NCR3LG1: variants seen among roughly 807,000 people sequenced by gnomAD.
NCR3LG1 encodes natural cytotoxicity triggering receptor 3 ligand 1.
In NCR3LG1, 35 loss-of-function variants were observed where a neutral mutation model predicts 34.8. The observed-to-expected ratio is 1.01, with a 90% CI of 0.77 to 1.33. NCR3LG1 has a LOEUF of 1.33. NCR3LG1 is among the 40% of genes most tolerant of loss of function. The probability of loss-of-function intolerance (pLI) is 0.00; values close to 1 mark genes in which losing one functional copy is unlikely to be tolerated. For missense variants in NCR3LG1, 452 were observed against 423.3 expected (o/e 1.07, Z -0.60); for synonymous variants, 173 against 163.6 (o/e 1.06, Z -0.44).
intron 2 of NCR3LG1, among the ~76,000 whole-genome samples, chr11:17,364,496 G>T (rs901040277): frequency 2.5e-4 from 38 of 150,802 alleles, no homozygotes; most frequent in Middle Eastern, 3.4e-3. Flanking sequence ...ACCGTGCCCA[G>T]TTTGGGAAGT....
intron 1 of NCR3LG1, among the ~76,000 whole-genome samples, chr11:17,354,698 G>C (rs1228288525): frequency 6.6e-6 from 1 of 151,582 alleles, no homozygotes; most frequent in East Asian, 1.9e-4. Flanking sequence ...GGTTACAGTT[G>C]ACCCTATCTT....
At chr11:17,369,508 A>G (rs1357331121) in intron 4 of NCR3LG1, among the ~76,000 whole-genome samples, 1 of 152,260 alleles carries the variant, frequency 6.6e-6, no homozygotes, top group Non-Finnish European at 1.5e-5. Flanking sequence ...AAACAGCTCA[A>G]GCTTTAGAGG....
chr11:17,369,267 C>T (rs1416006839), intron 4 of NCR3LG1, among the ~76,000 whole-genome samples: 1 of 152,210 alleles, frequency 6.6e-6, no homozygotes, highest in Admixed American at 6.5e-5. Flanking sequence ...TGTGAATGAA[C>T]CAGACTTTAG....
intron 2 of NCR3LG1, among the ~76,000 whole-genome samples, chr11:17,358,031 CT>C (rs951242316): frequency 1.3e-5 from 2 of 152,066 alleles, no homozygotes; most frequent in African/African-American, 4.8e-5. Flanking sequence ...CATTAATAGA[CT>C]TTTTTTAAGG....
intron 2 of NCR3LG1, among the ~76,000 whole-genome samples, chr11:17,361,632 T>C (rs1953270352): frequency 6.6e-6 from 1 of 152,112 alleles, no homozygotes. Flanking sequence ...CAATTGTTCA[T>C]TCCTGTCAAA....
intron 3 of NCR3LG1, 135 bp from the exon 4 acceptor site, chr11:17,368,732 C>T (rs1953374959): frequency 3.0e-6 from 2 of 676,510 alleles, no homozygotes; most frequent in Non-Finnish European, 5.2e-6. Flanking sequence ...GATGCTGAGA[C>T]ATGTGGCAGA....
intron 1 of NCR3LG1, among the ~76,000 whole-genome samples, chr11:17,354,992 T>C (rs1953188796): frequency 6.6e-6 from 1 of 152,218 alleles, no homozygotes; most frequent in Non-Finnish European, 1.5e-5. Context: ...GAGTCTGACT[T>C]CTTTGGAGTT....
intron 2 of NCR3LG1, among the ~76,000 whole-genome samples, chr11:17,362,790 T>TTC (rs775335746): frequency 5.3e-5 from 5 of 94,320 alleles, no homozygotes; most frequent in East Asian, 2.5e-4. Context: ...CTTTCCTTCT[T>TTC]TCTCTCTCTT....
rs370767791 is a variant in NCR3LG1, at chr11:17,352,832, T to G, written c.70+793T>G. ...TTTTTTGGGAACTCGTATGGGCGTG[T>G]TCTGCGTTAACTTAAACAGGAGACT... On this transcript the variant is annotated intron_variant, in intron 1 of 4. Coordinates refer to ENST00000338965, the MANE Select transcript of NCR3LG1 (RefSeq NM_001202439.3). 2.6e-5 allele frequency among the ~76,000 whole-genome samples: 4 copies of G among 152,006 alleles called. No homozygotes were observed. In the East Asian group the frequency reaches 7.7e-4, roughly 29 times the overall value.
intron 1 of NCR3LG1, among the ~76,000 whole-genome samples, chr11:17,353,070 G>A (rs1953157632): frequency 6.6e-6 from 1 of 152,164 alleles, no homozygotes; most frequent in Non-Finnish European, 1.5e-5. Context: ...GGACCTCACC[G>A]TGGAGACCTT....
In NCR3LG1 at chr11:17,356,864, TG is replaced by T; in HGVS notation, c.285del (p.Ser96LeufsTer5). On this transcript the variant is annotated frameshift_variant, in exon 2 of 5. Coordinates refer to ENST00000338965, the MANE Select transcript of NCR3LG1 (RefSeq NM_001202439.3). LOFTEE classifies it high-confidence loss of function. ...HQEAFRPGAIVSPWRLKSGDA... is the reference protein window; with the variant it reads ...HQEAFRPGAIXSPWRLKSGDA... ...GAGGCATTCCGACCTGGAGCCATTG[TG>T]TCTCCATGGAGGCTGAAGAGTGGGG... 1 of 1,536,186 alleles carries T rather than the reference TG, an allele frequency of 6.5e-7. No individual in the cohort carries two copies. The highest frequency in any genetic ancestry group is 1.2e-5 in the South Asian group (1 of 84,062).
rs1953424274 is a variant in NCR3LG1, at chr11:17,372,590, G to T, written c.*78G>T. On this transcript the variant is annotated 3_prime_UTR_variant, in exon 5 of 5. Coordinates refer to ENST00000338965, the MANE Select transcript of NCR3LG1 (RefSeq NM_001202439.3). ...ACCTTGGGCAAATAAGAGGGGACCT[G>T]GGCAAGTTCTCTGATGACCTGATAG... 3 of 612,750 alleles carry T rather than the reference G, an allele frequency of 4.9e-6. No homozygotes were observed. In the African/African-American group the frequency reaches 5.6e-5, roughly 11 times the overall value. 38.0% of individuals were successfully genotyped at this position (612,750 alleles called of 1,614,324 possible).
intron 1 of NCR3LG1, among the ~76,000 whole-genome samples, chr11:17,353,383 G>A (rs1035942485): frequency 2.0e-5 from 3 of 152,258 alleles, no homozygotes; most frequent in Non-Finnish European, 4.4e-5. Context: ...CCAAAATTGC[G>A]CTTGTCTCCG....
rs1310113235 is a variant in NCR3LG1, at chr11:17,362,813, T to TCTTTCTTC, written c.422-4179_422-4172dup. Among the ~76,000 whole-genome samples the TCTTTCTTC allele has an allele frequency of 4.0e-4, 60 of 148,994 alleles. 1 individual carries two copies. The highest frequency in any genetic ancestry group is 1.4e-3 in the African/African-American group (55 of 40,396). ...CTTTCTCTCTCTTTCTTTCTTTCTT[T>TCTTTCTTC]CTTTCTTCCTTTCTTCCTTTCTTCA... On this transcript the variant is annotated intron_variant, in intron 2 of 4. Coordinates refer to ENST00000338965, the MANE Select transcript of NCR3LG1 (RefSeq NM_001202439.3).
Position 17,351,985 on chromosome 11 carries a change from G to A in NCR3LG1, c.16G>A (p.Ala6Thr), listed in dbSNP as rs1244756410. MTWRA[A>T]ASTCAALLIL... ...AGCCGCGGCGATGACGTGGAGGGCT[G>A]CCGCCTCCACGTGCGCGGCGCTCCT... is the stretch of plus-strand genomic sequence containing the variant. Residue 6 changes from alanine (A) to threonine (T), a missense_variant, in exon 1 of 5, where the codon GCC becomes ACC. Physicochemically the swap from Ala to Thr is moderately conservative, Grantham distance 58. Transcript: ENST00000338965. 1 of 1,427,316 alleles carries A rather than the reference G, an allele frequency of 7.0e-7. No homozygotes were observed. Among genetic ancestry groups the A allele is most frequent in the Non-Finnish European group, 9.2e-7 (1 of 1,081,450 alleles). 88.4% of individuals were successfully genotyped at this position (1,427,316 alleles called of 1,614,324 possible). A position where few individuals can be genotyped will look rare whatever the true frequency, so the allele number is the denominator to read the frequency against.
Position 17,352,056 on chromosome 11 carries a change from G to A in NCR3LG1, c.70+17G>A. ...CGACCGAAGGTAGGGGGCGGCTGGG[G>A]TGGGCTGGGGCGGGGGCTCCTGGCG... On this transcript the variant is annotated intron_variant, in intron 1 of 4. Transcript: ENST00000338965. 6.9e-7 allele frequency: 1 copy of A among 1,449,194 alleles called. No homozygotes were observed. The highest frequency in any genetic ancestry group is 9.2e-7 in the Non-Finnish European group (1 of 1,089,606). 89.8% of individuals were successfully genotyped at this position (1,449,194 alleles called of 1,614,324 possible).
At chr11:17,368,334 C>T (rs1027582729) in intron 3 of NCR3LG1, among the ~76,000 whole-genome samples, 7 of 152,086 alleles carry the variant, frequency 4.6e-5, no homozygotes, top group Non-Finnish European at 1.0e-4. Context: ...ATGCATCTCC[C>T]TGGGGCTGAG....
At chr11:17,358,594 A>G (rs981552346) in intron 2 of NCR3LG1, among the ~76,000 whole-genome samples, 1 of 152,144 alleles carries the variant, frequency 6.6e-6, no homozygotes, top group African/African-American at 2.4e-5. Context: ...TCCTATTTTC[A>G]TACTGTACTC....
At chr11:17,359,392 A>G (rs1953244933) in intron 2 of NCR3LG1, among the ~76,000 whole-genome samples, 1 of 152,080 alleles carries the variant, frequency 6.6e-6, no homozygotes, top group Admixed American at 6.5e-5. Flanking sequence ...TCCCACTCCA[A>G]CAGTGAGAAA....
Sources: allele counts gnomAD v4.1 joint callset (sites outside exome capture counted in the v4.1 genomes callset), GRCh38; gene constraint gnomAD v4.1.1; transcripts MANE v1.5; gene names NCBI Gene and HGNC (gene_info 2026-07-23, HGNC 2026-07-21).